MYO3B: variants seen among roughly 807,000 people sequenced by gnomAD.
MYO3B encodes myosin-IIIb.
In MYO3B, 156 loss-of-function variants were observed where a neutral mutation model predicts 174.6. The observed-to-expected ratio is 0.89, with a 90% confidence interval of 0.78 to 1.02. The LOEUF is 1.02. Ranked by LOEUF, MYO3B falls within the 50% of genes least tolerant of loss-of-function variation. The probability of loss-of-function intolerance (pLI) is 0.00; values close to 1 mark genes in which losing one functional copy is unlikely to be tolerated. For missense variants in MYO3B, 1,632 were observed against 1,639.4 expected, an observed-to-expected ratio of 1.00 and a Z score of 0.08; for synonymous variants, 563 against 569.1, an observed-to-expected ratio of 0.99 and a Z score of 0.15.
chr2:170,207,238 G>T (rs2092722371), intron 3 of MYO3B, among the ~76,000 whole-genome samples: 1 of 152,090 alleles, frequency 6.6e-6, no homozygotes, highest in Admixed American at 6.6e-5. Flanking sequence ...CCTAACTCCA[G>T]TTAGGGGAAA....
At chr2:170,469,566 A>G (rs567478773) in intron 25 of MYO3B, among the ~76,000 whole-genome samples, 5 of 152,110 alleles carry the variant, frequency 3.3e-5, no homozygotes, top group African/African-American at 9.6e-5. Flanking sequence ...TATCTCTTTC[A>G]TCTCATTCTC....
chr2:170,432,416 G>T (rs1423120359), intron 22 of MYO3B, among the ~76,000 whole-genome samples: 1 of 151,782 alleles, frequency 6.6e-6, no homozygotes, highest in African/African-American at 2.4e-5. Context: ...ATTTAAAAAG[G>T]CTTATAGAAT....
In MYO3B at chr2:170,391,539, A is replaced by G. The variant is rs752494228; in HGVS notation, c.1597A>G (p.Ile533Val). The G allele has an allele frequency of 7.2e-6, 11 of 1,522,514 alleles. No individual in the cohort carries two copies. In the Admixed American group the frequency reaches 9.7e-5, roughly 13 times the overall value. 94.3% of individuals were successfully genotyped at this position (1,522,514 alleles called of 1,614,324 possible). A position where few individuals can be genotyped will look rare whatever the true frequency, so the allele number is the denominator to read the frequency against. The change falls in exon 15 of 35, where the codon ATA (isoleucine) becomes GTA (valine). Residue 533 changes from isoleucine (I) to valine (V), a missense_variant. Transcript: ENST00000408978. ...TTTCAGGAGAGAGAAAAATTTTCAT[A>G]TATTTTACTATATTTATGCTGGTCT... ...KQAAREKNFH[I>V]FYYIYAGLHH...
intron 32 of MYO3B, among the ~76,000 whole-genome samples, chr2:170,567,616 T>C (rs779324228): frequency 1.2e-4 from 18 of 152,210 alleles, no homozygotes; most frequent in Non-Finnish European, 2.5e-4. Flanking sequence ...AGTCTTTGGC[T>C]GAAGTTGGAA....
At chr2:170,604,484 AAAAAT>A (rs1694696821) in intron 32 of MYO3B, among the ~76,000 whole-genome samples, 1 of 152,104 alleles carries the variant, frequency 6.6e-6, no homozygotes. Context: ...TAAACATTTT[AAAAAT>A]AAAATTTATA....
chr2:170,641,747 T>C (rs890469904), intron 32 of MYO3B, among the ~76,000 whole-genome samples: 8 of 151,938 alleles, frequency 5.3e-5, no homozygotes, highest in Middle Eastern at 6.8e-3. Context: ...CTGCTTAACT[T>C]ATTTGAACAT....
At chr2:170,345,550 A>G (rs1265141909) in intron 8 of MYO3B, among the ~76,000 whole-genome samples, 2 of 152,096 alleles carry the variant, frequency 1.3e-5, no homozygotes, top group African/African-American at 2.4e-5. Flanking sequence ...AAAAGCCCAC[A>G]TTTTAGTGAA....
At chr2:170,508,979 C>T (rs1401143357) in intron 28 of MYO3B, among the ~76,000 whole-genome samples, 1 of 151,800 alleles carries the variant, frequency 6.6e-6, no homozygotes, top group Non-Finnish European at 1.5e-5. Flanking sequence ...TGTTACTTCC[C>T]TCTCTGTACT....
intron 23 of MYO3B, among the ~76,000 whole-genome samples, chr2:170,444,260 A>C (rs2094824200): frequency 6.6e-6 from 1 of 152,326 alleles, no homozygotes; most frequent in South Asian, 2.1e-4. Context: ...GCACTTAAGA[A>C]CAATGCTACC....
At chr2:170,468,442 G>A (rs1456292602) in intron 25 of MYO3B, among the ~76,000 whole-genome samples, 5 of 152,254 alleles carry the variant, frequency 3.3e-5, no homozygotes, top group African/African-American at 1.2e-4. Context: ...GTGTTCTTGG[G>A]ATCATGTTGT....
intron 22 of MYO3B, among the ~76,000 whole-genome samples, chr2:170,426,892 G>A (rs1006760107): frequency 5.7e-4 from 86 of 152,076 alleles, no homozygotes; most frequent in African/African-American, 1.5e-3. Context: ...GGTGGCATGC[G>A]CCTGTAATCC....
chr2:170,543,030 A>G, intron 31 of MYO3B, 64 bp downstream of exon 31: 1 of 1,349,526 alleles, frequency 7.4e-7, no homozygotes, highest in Non-Finnish European at 1.0e-6. Flanking sequence ...CCAAGTTCAT[A>G]GGCATGAAGC....
At position 170,634,812 on chromosome 2, in the gene MYO3B, A is replaced by C. The variant is rs181887401; in HGVS notation, c.3734-16816A>C. Among the ~76,000 whole-genome samples the C allele has an allele frequency of 2.3e-3, 352 of 152,390 alleles. 1 individual carries two copies. The highest frequency in any genetic ancestry group is 7.2e-3 in the African/African-American group (298 of 41,596). On this transcript the variant is annotated intron_variant, in intron 32 of 34. Transcript: ENST00000408978. Reference sequence around the variant, plus strand: ...CATCAAAAAGTGGGCAAAGGATATGAACAGACACTTTTCAAAAGAAGACAT... The same window carrying C: ...CATCAAAAAGTGGGCAAAGGATATGCACAGACACTTTTCAAAAGAAGACAT...
intron 3 of MYO3B, among the ~76,000 whole-genome samples, chr2:170,210,290 C>T (rs1341406258): frequency 6.6e-6 from 1 of 152,200 alleles, no homozygotes; most frequent in Non-Finnish European, 1.5e-5. Flanking sequence ...GTCCTTCCAT[C>T]ATTTGTTTAA....
intron 7 of MYO3B, among the ~76,000 whole-genome samples, chr2:170,243,371 C>T (rs1174795081): frequency 6.6e-6 from 1 of 152,148 alleles, no homozygotes; most frequent in African/African-American, 2.4e-5. Context: ...AGGTAGTTCT[C>T]ATATTGGTGA....
In MYO3B at chr2:170,448,328, T is replaced by G. The variant is rs148179682; in HGVS notation, c.2730+4282T>G. On this transcript the variant is annotated intron_variant, in intron 23 of 34. Transcript: ENST00000408978. ...TTAGATCTCTTTCACTGTAATAATT[T>G]TCTCAGTTACAATTTTTGTAAAGGT... Among the ~76,000 whole-genome samples the G allele has an allele frequency of 4.3e-3, 651 of 152,306 alleles. 4 individuals are homozygous for G. The highest frequency in any genetic ancestry group is 0.015 in the African/African-American group (636 of 41,566).
At chr2:170,518,188 A>G (rs1688442889) in intron 29 of MYO3B, among the ~76,000 whole-genome samples, 3 of 152,186 alleles carry the variant, frequency 2.0e-5, no homozygotes, top group Admixed American at 1.3e-4. Flanking sequence ...AAATCAGCAC[A>G]TGTTCTTCCC....
Position 170,200,229 on chromosome 2 carries a change from G to A in MYO3B, c.266G>A (p.Gly89Glu). 1 of 1,613,464 alleles carries A rather than the reference G, an allele frequency of 6.2e-7. No individual in the cohort carries two copies. Among genetic ancestry groups the A allele is most frequent in the Non-Finnish European group, 8.5e-7 (1 of 1,179,652 alleles). ...CATCCCAATGTTGTAAAGTTTTATGGGATGTTTTACAAAGCGGATCACTGT... is the reference window on the plus strand; with the variant it reads ...CATCCCAATGTTGTAAAGTTTTATGAGATGTTTTACAAAGCGGATCACTGT... ...PNHPNVVKFY[G>E]MFYKADHCVG... Residue 89 changes from glycine (G) to glutamate (E), a missense_variant, in exon 3 of 35, where the codon GGG becomes GAG. Physicochemically the swap from Gly to Glu is moderately conservative, Grantham distance 98 (BLOSUM62 -2). Transcript: ENST00000408978.
At chr2:170,604,267 A>T (rs1694685332) in intron 32 of MYO3B, among the ~76,000 whole-genome samples, 1 of 152,120 alleles carries the variant, frequency 6.6e-6, no homozygotes, top group African/African-American at 2.4e-5. Flanking sequence ...TTTTGTTTTT[A>T]TTTTTATTTT....
Sources: gnomAD v4.1 joint callset for allele counts (sites outside exome capture counted in the v4.1 genomes callset) on GRCh38, gnomAD v4.1.1 for gene constraint, MANE v1.5 for transcripts, NCBI Gene and HGNC (gene_info 2026-07-23, HGNC 2026-07-21) for gene names.